Variants in LAMB3 observed in about 807,000 individuals in gnomAD.
The protein encoded by LAMB3 is laminin subunit beta 3, also known as laminin subunit beta-3.
LAMB3 carries 104 observed loss-of-function variants against 140.3 expected under a neutral mutation model. The observed-to-expected ratio is 0.74, with a 90% CI of 0.63 to 0.87. The LOEUF is 0.87. Ranked by LOEUF, LAMB3 falls within the 40% of genes least tolerant of loss-of-function variation. The pLI, the probability that LAMB3 is intolerant of heterozygous loss-of-function variation, is 0.00. For synonymous variants in LAMB3, 592 were observed against 602.9 expected, an observed-to-expected ratio of 0.98 and a Z score of 0.26; for missense variants, 1,531 against 1,575.2, an observed-to-expected ratio of 0.97 and a Z score of 0.47.
intron 22 of LAMB3, 79 bp downstream of exon 22, chr1:209,616,392 G>A (rs538570202): frequency 4.3e-5 from 65 of 1,523,364 alleles, no homozygotes; most frequent in African/African-American, 1.4e-4. Flanking sequence ...CAATAAGAAC[G>A]GGCTTCAGAA....
chr1:209,618,072 G>A (rs769702464), intron 19 of LAMB3, 24 bp from the exon 20 acceptor site: 1 of 1,613,992 alleles, frequency 6.2e-7, no homozygotes, highest in Admixed American at 1.7e-5. Flanking sequence ...GCAGCAGGGA[G>A]AGGAGAGAGA....
At chr1:209,643,920 A>T (rs1002700285) in intron 3 of LAMB3, among the ~76,000 whole-genome samples, 1 of 152,250 alleles carries the variant, frequency 6.6e-6, no homozygotes, top group African/African-American at 2.4e-5. Context: ...ATCTTGTTCT[A>T]ACATGCTCTT....
chr1:209,645,087 A>G (rs2076504137), intron 3 of LAMB3, among the ~76,000 whole-genome samples: 1 of 152,152 alleles, frequency 6.6e-6, no homozygotes, highest in Admixed American at 6.5e-5. Flanking sequence ...GCCCATAACA[A>G]TTAGGACCCA....
chr1:209,629,697 C>G (rs891362286), intron 10 of LAMB3, 40 bp downstream of exon 10: 2 of 1,591,606 alleles, frequency 1.3e-6, no homozygotes, highest in African/African-American at 2.7e-5. Flanking sequence ...TGGGGAGTAA[C>G]AGACAAATGA....
chr1:209,620,704 A>G (rs1666157816), intron 18 of LAMB3, among the ~76,000 whole-genome samples: 1 of 152,258 alleles, frequency 6.6e-6, no homozygotes, highest in South Asian at 2.1e-4. Flanking sequence ...AAGTAATAAG[A>G]GTACTTAGTT....
Position 209,632,704 on chromosome 1 carries a change from G to C in LAMB3, c.701C>G (p.Pro234Arg). The C allele has an allele frequency of 6.2e-7, 1 of 1,614,244 alleles. No homozygotes were observed. The highest frequency in any genetic ancestry group is 8.5e-7 in the Non-Finnish European group (1 of 1,180,030). The change falls in exon 8 of 23, where the codon CCT becomes CGT. Residue 234 changes from proline (P) to arginine (R), a missense_variant. By Grantham distance (103) the Pro-to-Arg change is moderately radical. Coordinates refer to ENST00000356082, the MANE Select transcript of LAMB3 (RefSeq NM_000228.3). ...LAPVPQRGYH[P>R]PSAYYAVSQL... ...GGACACAGCATAGTAGGCGCTGGGAGGGTGGTAGCCCCTTTGGGGCACAGG... is the reference window on the plus strand; with the variant it reads ...GGACACAGCATAGTAGGCGCTGGGACGGTGGTAGCCCCTTTGGGGCACAGG...
In LAMB3 at chr1:209,623,825, T is replaced by C; in HGVS notation, c.2137+15A>G. 1.2e-6 allele frequency: 2 copies of C among 1,614,154 alleles called. No individual in the cohort carries two copies. The highest frequency in any genetic ancestry group is 1.7e-6 in the Non-Finnish European group (2 of 1,180,014). ...GTGCCCATGCCCGGGGTTATCCGGGTGCCCCTCTCCTCACCTGAAGGATCA... is the reference window on the plus strand; with the variant it reads ...GTGCCCATGCCCGGGGTTATCCGGGCGCCCCTCTCCTCACCTGAAGGATCA... On this transcript the variant is annotated intron_variant, in intron 15 of 22. Transcript: ENST00000356082. This position sits in a 1 kb window ranked among gnomAD's most constrained non-coding sequence, Gnocchi z 4.2.
rs918407754 is a variant in LAMB3 at position 209,622,751 on chromosome 1, C to T, written c.2557-71G>A. 8 of 1,587,938 alleles carry T rather than the reference C, an allele frequency of 5.0e-6. No homozygotes were observed. The African/African-American group carries it at 5.4e-5, about 11-fold the overall frequency. ...ACCTCTCAGCAGCCCCACGATTCTG[C>T]GGATCATCCTCTATGCCAAGACCTA... is the stretch of plus-strand genomic sequence containing the variant. On this transcript the variant is annotated intron_variant, in intron 17 of 22. Coordinates refer to ENST00000356082, the MANE Select transcript of LAMB3 (RefSeq NM_000228.3).
chr1:209,634,510 GCT>G lies in LAMB3; in HGVS notation c.499_500del (p.Ser167LeufsTer14), dbSNP rs1057516241. ...FPRVRQGRPQ[S>X]WQDVRCQSLP... is the part of the protein sequence containing the mutation. ...GGGACTGGCACCGAACATCCTGCCA[GCT>G]CTGAGGCCGACCCTGGCGGACCCGA... On this transcript the variant is annotated frameshift_variant, in exon 6 of 23. Transcript: ENST00000356082. LOFTEE classifies it high-confidence loss of function. 6.2e-7 allele frequency: 1 copy of G among 1,614,154 alleles called. No individual in the cohort carries two copies. Among genetic ancestry groups the G allele is most frequent in the South Asian group, 1.1e-5 (1 of 91,088 alleles).
intron 3 of LAMB3, among the ~76,000 whole-genome samples, chr1:209,649,171 T>G (rs111865627): frequency 1.3e-4 from 20 of 152,292 alleles, no homozygotes; most frequent in African/African-American, 4.6e-4. Context: ...AAGGGCAGCC[T>G]GGAAAGGGGA....
chr1:209,630,335 G>GA (rs1272900115), intron 9 of LAMB3, among the ~76,000 whole-genome samples: 3 of 152,122 alleles, frequency 2.0e-5, no homozygotes, highest in Non-Finnish European at 4.4e-5. Context: ...TTTGAAGTAG[G>GA]AAAAATGACA....
rs986209441 is a variant in LAMB3 at position 209,627,660 on chromosome 1, G to A, written c.1289-81C>T. 3.9e-5 allele frequency: 52 copies of A among 1,322,934 alleles called. No homozygotes were observed. In the East Asian group the frequency reaches 4.3e-4, roughly 11 times the overall value. 81.9% of individuals were successfully genotyped at this position (1,322,934 alleles called of 1,614,324 possible). A position where few individuals can be genotyped will look rare whatever the true frequency, so the allele number is the denominator to read the frequency against. On this transcript the variant is annotated intron_variant, in intron 11 of 22. Coordinates refer to ENST00000356082, the MANE Select transcript of LAMB3 (RefSeq NM_000228.3). ...AGAGGACACACATCCAGGGAGGGGC[G>A]CTGCCTGGGAAAAGAACTGGGCAGG...
Position 209,649,974 on chromosome 1 carries a change from T to C in LAMB3, c.173A>G (p.Gln58Arg). ...GLTKPETYCT[Q>R]YGEWQMKCCK... is the part of the protein sequence containing the mutation. ...GGAAGTAGGGCCTACCTCGCCATACTGGGTGCAGTAGGTCTCAGGCTTGGT... is the reference window on the plus strand; with the variant it reads ...GGAAGTAGGGCCTACCTCGCCATACCGGGTGCAGTAGGTCTCAGGCTTGGT... The change falls in exon 3 of 23, where the codon CAG becomes CGG. Residue 58 changes from glutamine (Q) to arginine (R), a missense_variant. By Grantham distance (43) the Gln-to-Arg change is conservative. Transcript: ENST00000356082. 1.1e-5 allele frequency: 18 copies of C among 1,614,228 alleles called. No homozygotes were observed. Among genetic ancestry groups the C allele is most frequent in the Admixed American group, 1.7e-5 (1 of 60,030 alleles).
At chr1:209,638,478 C>T (rs184664480) in intron 4 of LAMB3, 56 bp downstream of exon 4, 16 of 1,154,288 alleles carry the variant, frequency 1.4e-5, no homozygotes, top group South Asian at 2.4e-5. Flanking sequence ...ACCTTCCATC[C>T]GTCTTATCCT....
intron 5 of LAMB3, among the ~76,000 whole-genome samples, chr1:209,636,902 GT>G (rs1313138786): frequency 2.6e-5 from 4 of 152,158 alleles, no homozygotes; most frequent in African/African-American, 4.8e-5. Context: ...ACTTCCCCAC[GT>G]ATGGTGAAAG....
intron 3 of LAMB3, among the ~76,000 whole-genome samples, chr1:209,648,647 G>C (rs957119005): frequency 6.6e-6 from 1 of 152,112 alleles, no homozygotes; most frequent in Non-Finnish European, 1.5e-5. Context: ...CCCAGGCCTG[G>C]AGGAGGAGAA....
At chr1:209,616,116 C>T (rs1665951907) in intron 22 of LAMB3, among the ~76,000 whole-genome samples, 1 of 152,144 alleles carries the variant, frequency 6.6e-6, no homozygotes, top group Non-Finnish European at 1.5e-5. Flanking sequence ...TTATTTATTC[C>T]CTGAACCCCA....
chr1:209,615,488 C>T, intron 22 of LAMB3, 81 bp from the exon 23 acceptor site: 3 of 1,470,764 alleles, frequency 2.0e-6, no homozygotes, highest in South Asian at 1.3e-5. Flanking sequence ...TCCCCTCCTG[C>T]TAACTGGAGG....
Position 209,622,984 on chromosome 1 carries a change from T to A in LAMB3, c.2554A>T (p.Met852Leu), listed in dbSNP as rs12748250. ...FNAQLQRTRQ[M>L]IRAAEESASQ... ...CACCCCGCCTCGGCTGCACTTACCA[T>A]CTGCCTGGTCCGCTGGAGCTGGGCA... is the stretch of plus-strand genomic sequence containing the variant. Residue 852 changes from methionine (M) to leucine (L), a missense_variant and splice_region_variant, in exon 17 of 23, where the codon ATG (methionine) becomes TTG (leucine). Transcript: ENST00000356082. 0.14 allele frequency: 231,067 copies of A among 1,612,870 alleles called. 17,942 individuals are homozygous for A. The highest frequency in any genetic ancestry group is 0.2 in the South Asian group (18,095 of 91,020).
Sources: gnomAD v4.1 joint callset for allele counts (sites outside exome capture counted in the v4.1 genomes callset) on GRCh38, gnomAD v4.1.1 for gene constraint, Gnocchi (gnomAD v3.1) non-coding constraint, MANE v1.5 for transcripts, NCBI Gene and HGNC (gene_info 2026-07-23, HGNC 2026-07-21) for gene names.